MEIS2: variants seen among roughly 807,000 people sequenced by gnomAD.
MEIS2 encodes homeobox protein Meis2.
In MEIS2, 9 loss-of-function variants were observed where a neutral mutation model predicts 58.6. That is an observed-to-expected ratio of 0.15 (90% CI 0.09 to 0.27). MEIS2 has a LOEUF of 0.27. Ranked by LOEUF, MEIS2 falls within the 10% of genes least tolerant of loss-of-function variation. MEIS2 has a pLI of 1.00. For missense variants in MEIS2, 427 were observed against 635.0 expected, an observed-to-expected ratio of 0.67 and a Z score of 3.52; for synonymous variants, 221 against 228.4, an observed-to-expected ratio of 0.97 and a Z score of 0.29.
chr15:37,005,627 A>T (rs2060894201), intron 8 of MEIS2, among the ~76,000 whole-genome samples: 3 of 152,070 alleles, frequency 2.0e-5, no homozygotes, highest in Admixed American at 6.5e-5. Context: ...CAGTAGCGTG[A>T]TCTCTGCTCA....
At chr15:36,919,511 GA>G (rs1181415439) in intron 9 of MEIS2, among the ~76,000 whole-genome samples, 1 of 150,582 alleles carries the variant, frequency 6.6e-6, no homozygotes, top group Non-Finnish European at 1.5e-5. Flanking sequence ...CCGGGAGGCA[GA>G]AGTTGTGGGA....
chr15:37,014,274 T>TA (rs1158829488), intron 8 of MEIS2, among the ~76,000 whole-genome samples: 3 of 152,290 alleles, frequency 2.0e-5, no homozygotes, highest in African/African-American at 7.2e-5. Flanking sequence ...AAGGGTCGAT[T>TA]ATCTCCCAAA....
At chr15:37,018,765 G>T (rs1273636557) in intron 8 of MEIS2, among the ~76,000 whole-genome samples, 1 of 152,198 alleles carries the variant, frequency 6.6e-6, no homozygotes, top group Admixed American at 6.5e-5. Context: ...ATGGAAAGAT[G>T]ATTATAATTT....
chr15:36,907,124 A>G (rs2056780657), intron 9 of MEIS2, among the ~76,000 whole-genome samples: 1 of 152,216 alleles, frequency 6.6e-6, no homozygotes, highest in South Asian at 2.1e-4. Context: ...ATAAAAGACT[A>G]TGTATTTTTA....
chr15:36,986,615 C>A (rs1409095302), intron 8 of MEIS2, among the ~76,000 whole-genome samples: 7 of 152,178 alleles, frequency 4.6e-5, no homozygotes, highest in African/African-American at 1.7e-4. Flanking sequence ...GGCCCAGCTC[C>A]TGAGGTATCA....
At chr15:36,946,076 CA>C (rs1274991283) in intron 9 of MEIS2, among the ~76,000 whole-genome samples, 1 of 151,818 alleles carries the variant, frequency 6.6e-6, no homozygotes, top group Non-Finnish European at 1.5e-5. Flanking sequence ...TCTGATATAG[CA>C]CTGAGAAAAG....
At chr15:37,037,065 GC>G in intron 7 of MEIS2, 106 bp from the exon 8 acceptor site, 2 of 1,098,208 alleles carry the variant, frequency 1.8e-6, no homozygotes, top group Non-Finnish European at 2.6e-6. Context: ...AATCCATTAA[GC>G]GAGTATATTC....
intron 8 of MEIS2, among the ~76,000 whole-genome samples, chr15:37,004,132 T>C (rs1354513452): frequency 6.6e-6 from 1 of 152,226 alleles, no homozygotes; most frequent in African/African-American, 2.4e-5. Context: ...ATGACTTTAA[T>C]TGTTGGTCAT....
chr15:36,984,271 C>T (rs913002923), intron 8 of MEIS2, among the ~76,000 whole-genome samples: 1 of 151,972 alleles, frequency 6.6e-6, no homozygotes, highest in Non-Finnish European at 1.5e-5. Flanking sequence ...ATTATGTTAG[C>T]TATAAGCTTG....
intron 8 of MEIS2, among the ~76,000 whole-genome samples, chr15:37,017,142 T>C (rs949096781): frequency 2.0e-5 from 3 of 152,142 alleles, no homozygotes; most frequent in African/African-American, 7.2e-5. Flanking sequence ...CTGTTTCTGA[T>C]GACGCAAACC....
intron 8 of MEIS2, among the ~76,000 whole-genome samples, chr15:36,958,663 T>C (rs1247159728): frequency 1.3e-5 from 2 of 152,214 alleles, no homozygotes; most frequent in African/African-American, 4.8e-5. Context: ...GAGCACAATC[T>C]TATTTTGAAT....
intron 8 of MEIS2, among the ~76,000 whole-genome samples, chr15:37,014,770 C>T (rs953703107): frequency 3.3e-5 from 5 of 152,032 alleles, no homozygotes; most frequent in African/African-American, 1.2e-4. Context: ...TCTCTAAATG[C>T]CAAACAGGAA....
chr15:37,094,418 A>C (rs2140090574), intron 5 of MEIS2, 109 bp downstream of exon 5: 1 of 1,053,134 alleles, frequency 9.5e-7, no homozygotes, highest in Non-Finnish European at 1.4e-6. Context: ...ACATGCTCAA[A>C]ATCTCCAGGT....
intron 8 of MEIS2, among the ~76,000 whole-genome samples, chr15:37,028,629 G>T (rs1359025878): frequency 6.6e-6 from 1 of 152,202 alleles, no homozygotes; most frequent in African/African-American, 2.4e-5. Flanking sequence ...CTGAAGAAGG[G>T]AGTGAAGAGA....
chr15:36,970,433 T>C (rs1407264432), intron 8 of MEIS2, among the ~76,000 whole-genome samples: 1 of 150,794 alleles, frequency 6.6e-6, no homozygotes, highest in East Asian at 1.9e-4. Context: ...AACATTTGTG[T>C]GTGTGTGTCT....
chr15:37,026,838 A>C (rs1315579502), intron 8 of MEIS2, among the ~76,000 whole-genome samples: 1 of 152,176 alleles, frequency 6.6e-6, no homozygotes, highest in East Asian at 1.9e-4. Context: ...AAGAAGTAAA[A>C]CTATAGTTTA....
intron 8 of MEIS2, among the ~76,000 whole-genome samples, chr15:37,036,209 T>C (rs1027167367): frequency 5.3e-5 from 8 of 152,192 alleles, no homozygotes; most frequent in African/African-American, 1.4e-4. Context: ...GGTTAGCTTT[T>C]AAGATAATGG....
At chr15:37,019,511 A>AT (rs1463183865) in intron 8 of MEIS2, among the ~76,000 whole-genome samples, 1 of 152,216 alleles carries the variant, frequency 6.6e-6, no homozygotes, top group African/African-American at 2.4e-5. Context: ...TTGCTATAGA[A>AT]TCATGACGAC....
chr15:37,061,116 C>T (rs1889156732), intron 7 of MEIS2, among the ~76,000 whole-genome samples: 1 of 152,120 alleles, frequency 6.6e-6, no homozygotes, highest in South Asian at 2.1e-4. Context: ...CATTTTTCAT[C>T]CTGTGGTATT....
Sources: gnomAD v4.1 joint callset for allele counts (sites outside exome capture counted in the v4.1 genomes callset) on GRCh38, gnomAD v4.1.1 for gene constraint, MANE v1.5 for transcripts, NCBI Gene and HGNC (gene_info 2026-07-23, HGNC 2026-07-21) for gene names.